NKIRAS1: variants seen among roughly 807,000 people sequenced by gnomAD.
NKIRAS1 encodes the protein NFKB inhibitor interacting Ras like 1.
Under a neutral mutation model 19.8 loss-of-function variants are expected in NKIRAS1, and 16 were observed. The observed-to-expected ratio is 0.81, with a 90% CI of 0.55 to 1.23. NKIRAS1 has a LOEUF of 1.23. Ranked by LOEUF, NKIRAS1 falls within the 50% of genes most tolerant of loss-of-function variation. The pLI, the probability that NKIRAS1 is intolerant of heterozygous loss-of-function variation, is 0.00. For synonymous variants in NKIRAS1, 88 were observed against 79.0 expected (o/e 1.11, Z -0.61); for missense variants, 184 against 220.0 (o/e 0.84, Z 1.04).
At chr3:23,945,797 G>T (rs1370932514) in intron 1 of NKIRAS1, among the ~76,000 whole-genome samples, 3 of 150,350 alleles carry the variant, frequency 2.0e-5, no homozygotes, top group Non-Finnish European at 4.5e-5. Flanking sequence ...CTGCAAAGCC[G>T]CAGCGCGGCC....
chr3:23,941,288 T>C (rs550029552), intron 1 of NKIRAS1, among the ~76,000 whole-genome samples: 1 of 152,354 alleles, frequency 6.6e-6, no homozygotes, highest in East Asian at 1.9e-4. Flanking sequence ...ACTTGGCCTA[T>C]CTTACTTGAG....
chr3:23,930,657 A>C (rs970082876), intron 1 of NKIRAS1, among the ~76,000 whole-genome samples: 1 of 152,124 alleles, frequency 6.6e-6, no homozygotes, highest in African/African-American at 2.4e-5. Context: ...GAGTCAATAA[A>C]ATGCCCAAAT....
rs1200754467 is a variant in NKIRAS1, at chr3:23,891,178, AG to A, written c.*1916del. On this transcript the variant is annotated 3_prime_UTR_variant, in exon 5 of 5. Transcript: ENST00000425478. Reference sequence around the variant, plus strand: ...TGAATCAGGACTTGTGAAAACCTGTAGTGAAATACCTTAAGCTGTTAACTAA... The same window carrying A: ...TGAATCAGGACTTGTGAAAACCTGTATGAAATACCTTAAGCTGTTAACTAA... 1 of 152,546 alleles carries A rather than the reference AG, an allele frequency of 6.6e-6. No homozygotes were observed. Among genetic ancestry groups the A allele is most frequent in the African/African-American group, 2.4e-5 (1 of 41,462 alleles). 9.4% of individuals were successfully genotyped at this position (152,546 alleles called of 1,614,324 possible). A position where few individuals can be genotyped will look rare whatever the true frequency, so the allele number is the denominator to read the frequency against.
intron 4 of NKIRAS1, among the ~76,000 whole-genome samples, chr3:23,895,848 A>C (rs1411835866): frequency 6.6e-6 from 1 of 152,166 alleles, no homozygotes; most frequent in Non-Finnish European, 1.5e-5. Flanking sequence ...ATTAGAAGAG[A>C]ATTTCAGCCA....
rs1308816280 is a variant in NKIRAS1, at chr3:23,926,821, A to T, written c.-139-15371T>A. Among the ~76,000 whole-genome samples the T allele has an allele frequency of 6.6e-6, 1 of 152,210 alleles. No homozygotes were observed. Among genetic ancestry groups the T allele is most frequent in the Non-Finnish European group, 1.5e-5 (1 of 68,036 alleles). On this transcript the variant is annotated intron_variant, in intron 1 of 4. Coordinates refer to the NKIRAS1 transcript ENST00000421515. This position sits in a 1 kb window ranked among gnomAD's most constrained non-coding sequence, Gnocchi z 4.3. ...TGCAATTTGGCTGCATCTTTTGCCAAACTGTTGGACCTTTGAAATCAGTTT... is the reference window on the plus strand; with the variant it reads ...TGCAATTTGGCTGCATCTTTTGCCATACTGTTGGACCTTTGAAATCAGTTT...
chr3:23,893,075 A>T lies in NKIRAS1; in HGVS notation c.*20T>A, dbSNP rs768484683. 2 of 1,535,714 alleles carry T rather than the reference A, an allele frequency of 1.3e-6. No individual in the cohort carries two copies. The highest frequency in any genetic ancestry group is 2.1e-5 in the Admixed American group (1 of 46,604). ...AAAGGCAATCACTATTCAACATACAATTGTGGAAATTACTGATTTTTAGTT... is the reference window on the plus strand; with the variant it reads ...AAAGGCAATCACTATTCAACATACATTTGTGGAAATTACTGATTTTTAGTT... On this transcript the variant is annotated 3_prime_UTR_variant, in exon 5 of 5. Transcript: ENST00000425478.
chr3:23,905,758 C>T (rs1256176793), intron 3 of NKIRAS1, among the ~76,000 whole-genome samples: 2 of 150,446 alleles, frequency 1.3e-5, no homozygotes, highest in Non-Finnish European at 3.0e-5. Context: ...TACTGTACAA[C>T]CTTTTCAACC....
chr3:23,928,746 C>T lies in NKIRAS1; in HGVS notation c.-139-17296G>A, dbSNP rs1705254535. On this transcript the variant is annotated intron_variant, in intron 1 of 4. Transcript: ENST00000421515. ...GTGACTCACACCTGTAATCCTAGCACTTTGGGAGGCCGAGAAGGGTGGATT... is the reference window on the plus strand; with the variant it reads ...GTGACTCACACCTGTAATCCTAGCATTTTGGGAGGCCGAGAAGGGTGGATT... Among the ~76,000 whole-genome samples, 3 of 146,746 alleles carry T rather than the reference C, an allele frequency of 2.0e-5. No homozygotes were observed. In the South Asian group the frequency reaches 6.4e-4, roughly 31 times the overall value.
At chr3:23,938,568 G>A (rs1705438660) in intron 1 of NKIRAS1, among the ~76,000 whole-genome samples, 1 of 152,070 alleles carries the variant, frequency 6.6e-6, no homozygotes, top group African/African-American at 2.4e-5. Flanking sequence ...CTGTATATGT[G>A]CGTGATTCTT....
intron 3 of NKIRAS1, among the ~76,000 whole-genome samples, chr3:23,906,623 A>G (rs1703087307): frequency 6.6e-6 from 1 of 151,558 alleles, no homozygotes; most frequent in African/African-American, 2.4e-5. Context: ...AATAAATAGT[A>G]AATATATTTT....
At chr3:23,945,235 G>T (rs1705611350) in intron 1 of NKIRAS1, 1 of 151,208 alleles carries the variant, frequency 6.6e-6, no homozygotes, top group Non-Finnish European at 1.5e-5. Context: ...CCGAGGGCGG[G>T]CGGAGGGAGG....
chr3:23,917,802 T>C, upstream of NKIRAS1: 1 of 1,526,632 alleles, frequency 6.6e-7, no homozygotes, highest in Non-Finnish European at 8.9e-7. Flanking sequence ...ACAGTCGTCT[T>C]ATTGTACTTA....
At chr3:23,899,589 AG>A (rs955895605) in intron 4 of NKIRAS1, among the ~76,000 whole-genome samples, 3 of 152,220 alleles carry the variant, frequency 2.0e-5, no homozygotes, top group Non-Finnish European at 2.9e-5. Context: ...AGTTCCAGAC[AG>A]GGAAACAAGC....
chr3:23,910,090 C>CTCA (rs1347140921), intron 3 of NKIRAS1, among the ~76,000 whole-genome samples: 1 of 151,210 alleles, frequency 6.6e-6, no homozygotes, highest in Admixed American at 6.6e-5. Flanking sequence ...ATCTCTTGAC[C>CTCA]TCATGATCTG....
At chr3:23,946,154 G>T (rs1000066365) in intron 1 of NKIRAS1, 1 of 985,206 alleles carries the variant, frequency 1.0e-6, no homozygotes, top group African/African-American at 1.7e-5. Context: ...CACTGCGGAG[G>T]AGGCCGCGCG....
chr3:23,920,150 C>G, upstream of NKIRAS1: 1 of 985,778 alleles, frequency 1.0e-6, no homozygotes, highest in Non-Finnish European at 1.2e-6. Context: ...GGGTGGGAAG[C>G]TGGTGAGCCA....
chr3:23,922,003 GC>G lies in NKIRAS1; in HGVS notation c.-139-10554del, dbSNP rs1402346469. 5.7e-6 allele frequency: 1 copy of G among 175,160 alleles called. No homozygotes were observed. The highest frequency in any genetic ancestry group is 2.4e-5 in the African/African-American group (1 of 42,052). 10.9% of individuals were successfully genotyped at this position (175,160 alleles called of 1,614,324 possible). ...TTATAGGAATGAGCCACCACACCGGGCCCAAATTTACTTTAGTAATAACAAC... is the reference window on the plus strand; with the variant it reads ...TTATAGGAATGAGCCACCACACCGGGCCAAATTTACTTTAGTAATAACAAC... On this transcript the variant is annotated intron_variant, in intron 1 of 4. Transcript: ENST00000421515. The surrounding 1 kb of genome is among the most constrained non-coding windows in gnomAD (Gnocchi z 4.2).
At chr3:23,919,805 T>G (rs1419143243), upstream of NKIRAS1, 2 of 1,068,690 alleles carry the variant, frequency 1.9e-6, no homozygotes, top group Non-Finnish European at 2.3e-6. Flanking sequence ...AAACTAGCCC[T>G]GTAGATTTGT....
chr3:23,931,229 G>T (rs4320034), intron 1 of NKIRAS1, among the ~76,000 whole-genome samples: 43,113 of 152,086 alleles, frequency 0.28, 6,846 homozygotes, highest in Middle Eastern at 0.39. Flanking sequence ...AAAAACCAAC[G>T]TTCCCTTCAA....
Sources: gnomAD v4.1 joint callset for allele counts (sites outside exome capture counted in the v4.1 genomes callset) on GRCh38, gnomAD v4.1.1 for gene constraint, Gnocchi (gnomAD v3.1) non-coding constraint, MANE v1.5 for transcripts, NCBI Gene and HGNC (gene_info 2026-07-23, HGNC 2026-07-21) for gene names.